Variants in DLG5 observed in about 807,000 individuals in gnomAD.
DLG5 encodes discs large MAGUK scaffold protein 5, also known as disks large homolog 5.
In DLG5, 48 loss-of-function variants were observed where a neutral mutation model predicts 189.8. The ratio of observed to expected loss-of-function variants is 0.25; its 90% CI spans 0.20 to 0.32. The LOEUF is 0.32. Ranked by LOEUF, DLG5 falls within the 10% of genes least tolerant of loss-of-function variation. The pLI is 1.00. For synonymous variants in DLG5, 1,016 were observed against 1,054.1 expected, an observed-to-expected ratio of 0.96 and a Z score of 0.70; for missense variants, 2,160 against 2,544.7, an observed-to-expected ratio of 0.85 and a Z score of 3.25.
chr10:77,844,971 T>G (rs1843614648), intron 5 of DLG5, among the ~76,000 whole-genome samples: 2 of 148,230 alleles, frequency 1.3e-5, no homozygotes, highest in African/African-American at 2.5e-5. Context: ...CAGGGGGAGG[T>G]GGGTTCAAAG....
In DLG5 at chr10:77,842,061, C is replaced by G. The variant is rs1216480249; in HGVS notation, c.1257G>C (p.Glu419Asp). 6.2e-7 allele frequency: 1 copy of G among 1,614,204 alleles called. No homozygotes were observed. Among genetic ancestry groups the G allele is most frequent in the Non-Finnish European group, 8.5e-7 (1 of 1,180,052 alleles). Residue 419 changes from glutamate to aspartate, a missense_variant, in exon 7 of 32, where the codon GAG becomes GAC. Glu to Asp is a conservative substitution (Grantham distance 45). This residue lies in a region of DLG5 where 664 missense variants were observed against 838.5 expected (regional missense o/e 0.79). Transcript: ENST00000372391. The part of the protein sequence containing the change: ...TTQVKTAKES[E>D]KYREERDAVY... The stretch of plus-strand genomic sequence containing the variant: ...CAGCGTCCCGCTCCTCCCTGTATTT[C>G]TCCGACTCCTTTGCTGTCTTCACCT...
At chr10:77,920,208 A>T (rs1017664604) in intron 1 of DLG5, among the ~76,000 whole-genome samples, 1 of 152,196 alleles carries the variant, frequency 6.6e-6, no homozygotes, top group Non-Finnish European at 1.5e-5. Flanking sequence ...TACTCAGGGT[A>T]ACAAAATGCT....
intron 1 of DLG5, among the ~76,000 whole-genome samples, chr10:77,870,903 G>C (rs1359788491): frequency 6.6e-6 from 1 of 152,048 alleles, no homozygotes; most frequent in Non-Finnish European, 1.5e-5. Flanking sequence ...CCATGCAGGA[G>C]GGCAGAGAGA....
At chr10:77,880,011 C>G (rs1003532095) in intron 1 of DLG5, among the ~76,000 whole-genome samples, 1 of 152,012 alleles carries the variant, frequency 6.6e-6, no homozygotes, top group African/African-American at 2.4e-5. Context: ...GATAAAATCA[C>G]CCAAGGAAGG....
intron 1 of DLG5, among the ~76,000 whole-genome samples, chr10:77,902,100 G>A (rs1339442892): frequency 1.3e-5 from 2 of 152,188 alleles, no homozygotes; most frequent in African/African-American, 4.8e-5. Flanking sequence ...GAACAGACAG[G>A]TGTGGTCTCT....
intron 1 of DLG5, among the ~76,000 whole-genome samples, chr10:77,899,240 A>T (rs1026541034): frequency 1.3e-5 from 2 of 152,164 alleles, no homozygotes; most frequent in African/African-American, 4.8e-5. Flanking sequence ...GCACCTCCAG[A>T]GGCAGCCACC....
At chr10:77,825,374 C>CCCCACACACACACA (rs376716808) in intron 13 of DLG5, among the ~76,000 whole-genome samples, 1 of 130,816 alleles carries the variant, frequency 7.6e-6, no homozygotes, top group Non-Finnish European at 1.6e-5. Context: ...CCACACACAA[C>CCCCACACACACACA]CACACACACA....
chr10:77,810,648 C>T (rs1239706251), intron 23 of DLG5, among the ~76,000 whole-genome samples: 1 of 152,260 alleles, frequency 6.6e-6, no homozygotes, highest in African/African-American at 2.4e-5. Context: ...CCCTGCCACA[C>T]TCCAGTGATC....
At chr10:77,794,357 C>T (rs1018526094) in intron 30 of DLG5, among the ~76,000 whole-genome samples, 2 of 152,244 alleles carry the variant, frequency 1.3e-5, no homozygotes, top group African/African-American at 2.4e-5. Context: ...CAGCCCCTAG[C>T]GCAGGTCCCA....
chr10:77,932,067 G>A, the DLG5 span, among the ~76,000 whole-genome samples: 11 of 152,214 alleles, frequency 7.2e-5, no homozygotes, highest in African/African-American at 2.4e-4. Flanking sequence ...GCTGAGCGAT[G>A]TTGGGTAAAC....
intron 31 of DLG5, chr10:77,792,933 A>C: frequency 4.0e-6 from 1 of 248,708 alleles, no homozygotes; most frequent in Non-Finnish European, 7.8e-6. Context: ...CAGAAAGATG[A>C]TGGCGCCAAC....
chr10:77,850,019 C>T (rs1219923370), intron 5 of DLG5, among the ~76,000 whole-genome samples: 1 of 152,118 alleles, frequency 6.6e-6, no homozygotes, highest in African/African-American at 2.4e-5. Flanking sequence ...CTATTTATGA[C>T]AAGGTGAAAT....
At chr10:77,807,047 G>T in intron 25 of DLG5, 119 bp from the exon 26 acceptor site, 3 of 1,155,284 alleles carry the variant, frequency 2.6e-6, no homozygotes, top group Non-Finnish European at 3.6e-6. Flanking sequence ...CTCCAAACTT[G>T]ATCAGGAATC....
In DLG5 at chr10:77,792,133, C is replaced by T. The variant is rs1289380001; in HGVS notation, c.*307G>A. Reference sequence around the variant, plus strand: ...AGAAAAGGCTTGTAAACGAGTGATCCGAAAGGTTCTCTTTGCAGCATCTCT... The same window carrying T: ...AGAAAAGGCTTGTAAACGAGTGATCTGAAAGGTTCTCTTTGCAGCATCTCT... On this transcript the variant is annotated 3_prime_UTR_variant, in exon 32 of 32. Coordinates refer to ENST00000372391, the MANE Select transcript of DLG5 (RefSeq NM_004747.4). 2.8e-5 allele frequency: 11 copies of T among 398,410 alleles called. No homozygotes were observed. The highest frequency in any genetic ancestry group is 9.2e-5 in the East Asian group (2 of 21,786). 24.7% of individuals were successfully genotyped at this position (398,410 alleles called of 1,614,324 possible).
intron 1 of DLG5, among the ~76,000 whole-genome samples, chr10:77,920,106 G>A (rs1020880735): frequency 6.6e-6 from 1 of 152,150 alleles, no homozygotes; most frequent in African/African-American, 2.4e-5. Flanking sequence ...TATACAAGGA[G>A]CTCCCACAGA....
chr10:77,875,303 G>A (rs1258370436), intron 1 of DLG5, among the ~76,000 whole-genome samples: 1 of 152,208 alleles, frequency 6.6e-6, no homozygotes, highest in Admixed American at 6.5e-5. Context: ...AAGCACATGA[G>A]AAGCCCGATC....
chr10:77,830,098 CTG>C (rs1233688093), intron 11 of DLG5, 117 bp downstream of exon 11: 6 of 1,302,430 alleles, frequency 4.6e-6, no homozygotes, highest in African/African-American at 2.9e-5. Context: ...CTTGGACAGA[CTG>C]TGTGTGAGTC....
the DLG5 span, among the ~76,000 whole-genome samples, chr10:77,939,306 AT>A: frequency 6.6e-6 from 1 of 152,142 alleles, no homozygotes; most frequent in Non-Finnish European, 1.5e-5. Context: ...GGGTGCAGAC[AT>A]GTGGAAACCA....
At chr10:77,861,063 G>C (rs1164532184) in intron 2 of DLG5, among the ~76,000 whole-genome samples, 1 of 152,092 alleles carries the variant, frequency 6.6e-6, no homozygotes, top group Non-Finnish European at 1.5e-5. Flanking sequence ...TGTTACACAG[G>C]CTGTTTAACA....
Sources: gnomAD v4.1 joint callset for allele counts (sites outside exome capture counted in the v4.1 genomes callset) on GRCh38, gnomAD v4.1.1 for gene constraint, gnomAD v4.1.1 regional missense constraint, MANE v1.5 for transcripts, NCBI Gene and HGNC (gene_info 2026-07-23, HGNC 2026-07-21) for gene names.